Variants in CCSER1 observed in about 807,000 individuals in gnomAD.
The protein encoded by CCSER1 is serine-rich coiled-coil domain-containing protein 1.
Under a neutral mutation model 82.0 loss-of-function variants are expected in CCSER1, and 41 were observed. The observed-to-expected ratio is 0.50, with a 90% CI of 0.39 to 0.65. CCSER1 has a LOEUF of 0.65. CCSER1 is among the 30% of genes least tolerant of loss of function. The probability of loss-of-function intolerance (pLI) is 0.00; values close to 1 mark genes in which losing one functional copy is unlikely to be tolerated. For missense variants in CCSER1, 1,119 were observed against 1,064.2 expected (o/e 1.05, Z -0.72); for synonymous variants, 414 against 383.9 (o/e 1.08, Z -0.92).
At chr4:90,946,143 A>C (rs936388799) in intron 9 of CCSER1, among the ~76,000 whole-genome samples, 1 of 152,080 alleles carries the variant, frequency 6.6e-6, no homozygotes, top group Non-Finnish European at 1.5e-5. Context: ...TAATAATTAT[A>C]ATGATTGATA....
chr4:90,934,419 T>A (rs139409522), intron 9 of CCSER1, among the ~76,000 whole-genome samples: 1 of 151,680 alleles, frequency 6.6e-6, no homozygotes, highest in African/African-American at 2.4e-5. Flanking sequence ...AGTGTCAACA[T>A]GAACTTATTA....
intron 10 of CCSER1, among the ~76,000 whole-genome samples, chr4:91,476,651 A>G (rs1362932921): frequency 1.3e-5 from 2 of 149,202 alleles, no homozygotes; most frequent in African/African-American, 4.9e-5. Flanking sequence ...TTCAAAATAT[A>G]CCACAAAGTT....
chr4:90,884,896 T>C (rs1046700627), intron 8 of CCSER1, among the ~76,000 whole-genome samples: 3 of 152,108 alleles, frequency 2.0e-5, no homozygotes, highest in African/African-American at 4.8e-5. Context: ...TTTTGAAATA[T>C]AGGCAATAGA....
Position 90,203,367 on chromosome 4 carries a change from C to A in CCSER1, c.-42+75536C>A, listed in dbSNP as rs577536176. Among the ~76,000 whole-genome samples the A allele has an allele frequency of 1.5e-4, 23 of 152,228 alleles. 1 individual carries two copies. The highest frequency in any genetic ancestry group is 4.8e-4 in the African/African-American group (20 of 41,524). On this transcript the variant is annotated intron_variant, in intron 1 of 10. Coordinates refer to ENST00000509176, the MANE Select transcript of CCSER1 (RefSeq NM_001145065.2). ...CTCCTAGCTCCCCACCACCAACAGA[C>A]CCCGGTGTGTGATGTTCCCCTCCCT...
At chr4:91,056,079 G>A (rs1743419210) in intron 9 of CCSER1, among the ~76,000 whole-genome samples, 1 of 151,644 alleles carries the variant, frequency 6.6e-6, no homozygotes, top group South Asian at 2.1e-4. Context: ...TTTCCATTTT[G>A]TTCACATGTA....
chr4:90,231,242 A>T (rs1744470277), intron 1 of CCSER1, among the ~76,000 whole-genome samples: 1 of 152,088 alleles, frequency 6.6e-6, no homozygotes, highest in Non-Finnish European at 1.5e-5. Flanking sequence ...TGGCAAACTG[A>T]ATCCAACAGC....
At chr4:90,759,459 T>C (rs1373646326) in intron 7 of CCSER1, among the ~76,000 whole-genome samples, 1 of 152,136 alleles carries the variant, frequency 6.6e-6, no homozygotes, top group Non-Finnish European at 1.5e-5. Context: ...AGAAGCAAAA[T>C]AGTCAGAACC....
At chr4:91,595,943 TAAAAA>T (rs1170927227) in intron 10 of CCSER1, among the ~76,000 whole-genome samples, 23 of 78,866 alleles carry the variant, frequency 2.9e-4, no homozygotes, top group African/African-American at 1.1e-3. Flanking sequence ...ACAGAGAACT[TAAAAA>T]AAAAAAAAAA....
rs770757152 is a variant in CCSER1, at chr4:91,297,453, G to GA, written c.2217+211465dup. Among the ~76,000 whole-genome samples, 10 of 150,294 alleles carry GA rather than the reference G, an allele frequency of 6.7e-5. No individual in the cohort carries two copies. In the East Asian group the frequency reaches 1.2e-3, roughly 18 times the overall value. On this transcript the variant is annotated intron_variant, in intron 10 of 10. Coordinates refer to ENST00000509176, the MANE Select transcript of CCSER1 (RefSeq NM_001145065.2). Reference sequence around the variant, plus strand: ...GGAGACAGATGTGGATAAGGAGGGAGAAAAAATCTTCTAGTATGATGAGAG... The same window carrying GA: ...GGAGACAGATGTGGATAAGGAGGGAGAAAAAAATCTTCTAGTATGATGAGAG...
chr4:91,101,510 C>G (rs1725049242), intron 10 of CCSER1, among the ~76,000 whole-genome samples: 1 of 152,020 alleles, frequency 6.6e-6, no homozygotes, highest in East Asian at 1.9e-4. Context: ...TGGCATGTGC[C>G]TGTAATCACA....
At position 90,309,451 on chromosome 4, in the gene CCSER1, C is replaced by T; in HGVS notation, c.1167C>T (p.Asn389=). Residue 389 remains asparagine (N), a synonymous_variant, in exon 2 of 11, where the codon AAC becomes AAT. Transcript: ENST00000509176. ...LQNGETMLGT[N]SPRKLGFYEQ... ...ATGGTGAAACAATGCTGGGGACAAA[C>T]TCCCCAAGGAAACTTGGATTTTATG... The T allele has an allele frequency of 1.2e-6, 2 of 1,613,720 alleles. No individual in the cohort carries two copies. Among genetic ancestry groups the T allele is most frequent in the Middle Eastern group, 1.6e-4 (1 of 6,062 alleles).
chr4:91,303,787 C>A (rs1249625740), intron 10 of CCSER1, among the ~76,000 whole-genome samples: 1 of 151,742 alleles, frequency 6.6e-6, no homozygotes, highest in Non-Finnish European at 1.5e-5. Context: ...GGACTGAGAT[C>A]CTGTCTCCAA....
At chr4:90,145,525 A>G (rs1471886856) in intron 1 of CCSER1, among the ~76,000 whole-genome samples, 2 of 152,046 alleles carry the variant, frequency 1.3e-5, no homozygotes, top group African/African-American at 4.8e-5. Flanking sequence ...CGTATTTAAC[A>G]TTTCAATATC....
At chr4:90,709,997 G>A (rs1177781070) in intron 6 of CCSER1, among the ~76,000 whole-genome samples, 3 of 146,786 alleles carry the variant, frequency 2.0e-5, no homozygotes, top group Non-Finnish European at 4.5e-5. Flanking sequence ...GGTGTGAGAT[G>A]GTATCTCATA....
chr4:90,565,209 T>C (rs1779220216), intron 5 of CCSER1, among the ~76,000 whole-genome samples: 1 of 152,044 alleles, frequency 6.6e-6, no homozygotes, highest in Non-Finnish European at 1.5e-5. Flanking sequence ...ATTAATATTT[T>C]AAATTTTAAG....
chr4:90,543,670 A>G (rs1255888643), intron 5 of CCSER1, among the ~76,000 whole-genome samples: 11 of 152,116 alleles, frequency 7.2e-5, no homozygotes, highest in Admixed American at 7.2e-4. Context: ...ATAGAGTGAA[A>G]TGTTTCTGTA....
At chr4:91,204,278 T>C (rs1400985219) in intron 10 of CCSER1, among the ~76,000 whole-genome samples, 1 of 151,824 alleles carries the variant, frequency 6.6e-6, no homozygotes, top group Non-Finnish European at 1.5e-5. Flanking sequence ...TGTGGGGGAA[T>C]GTAATTCTGT....
chr4:91,285,744 T>G (rs1446840910), intron 10 of CCSER1, among the ~76,000 whole-genome samples: 1 of 151,910 alleles, frequency 6.6e-6, no homozygotes, highest in East Asian at 1.9e-4. Flanking sequence ...CATTTTCTTT[T>G]AGTCAAATGC....
intron 6 of CCSER1, among the ~76,000 whole-genome samples, chr4:90,701,533 T>A (rs1029956918): frequency 1.3e-5 from 2 of 152,232 alleles, no homozygotes; most frequent in Admixed American, 1.3e-4. Context: ...AAGTCATTTG[T>A]AGCTTGATGG....
Sources: allele counts gnomAD v4.1 joint callset (sites outside exome capture counted in the v4.1 genomes callset), GRCh38; gene constraint gnomAD v4.1.1; transcripts MANE v1.5; gene names NCBI Gene and HGNC (gene_info 2026-07-23, HGNC 2026-07-21).